The following ITGAE variants were observed in gnomAD, a reference collection of about 807,000 sequenced individuals.
ITGAE encodes the protein integrin subunit alpha E.
Under a neutral mutation model 136.5 loss-of-function variants are expected in ITGAE, and 99 were observed. The ratio of observed to expected loss-of-function variants is 0.73; its 90% CI spans 0.62 to 0.86. The LOEUF (loss-of-function observed/expected upper bound fraction) is 0.86, where lower values mean the gene tolerates loss of function less well. ITGAE is among the 40% of genes least tolerant of loss of function. The pLI, the probability that ITGAE is intolerant of heterozygous loss-of-function variation, is 0.00. For synonymous variants in ITGAE, 613 were observed against 591.8 expected (o/e 1.04, Z -0.52); for missense variants, 1,447 against 1,515.3 (o/e 0.95, Z 0.75).
chr17:3,742,041 C>T (rs2915549), intron 19 of ITGAE, among the ~76,000 whole-genome samples: 108,061 of 152,194 alleles, frequency 0.71, 39,979 homozygotes, highest in African/African-American at 0.93. Context: ...CACGCCATTG[C>T]ACTCCAGCCT....
At chr17:3,743,401 C>G in intron 19 of ITGAE, 88 bp downstream of exon 19, 1 of 1,439,518 alleles carries the variant, frequency 6.9e-7, no homozygotes, top group Non-Finnish European at 9.3e-7. Context: ...TGCCTCCCAA[C>G]TCCACCATTC....
At chr17:3,777,433 T>C in intron 2 of ITGAE, 107 bp downstream of exon 2, 1 of 1,393,346 alleles carries the variant, frequency 7.2e-7, no homozygotes, top group Non-Finnish European at 9.7e-7. Flanking sequence ...GGAGTTCCTC[T>C]CCTGACGGTG....
intron 2 of ITGAE, among the ~76,000 whole-genome samples, chr17:3,766,534 T>G (rs2052301431): frequency 6.6e-6 from 1 of 152,060 alleles, no homozygotes; most frequent in Admixed American, 6.6e-5. Flanking sequence ...GGGCTCAGTG[T>G]CTCACACCTG....
At chr17:3,792,313 G>A (rs1330845927) in intron 1 of ITGAE, among the ~76,000 whole-genome samples, 1 of 151,992 alleles carries the variant, frequency 6.6e-6, no homozygotes, top group Non-Finnish European at 1.5e-5. Flanking sequence ...GTAGAGGTGG[G>A]GTTTCACCAT....
chr17:3,719,198 C>T (rs1049605824), intron 29 of ITGAE, among the ~76,000 whole-genome samples: 2 of 133,064 alleles, frequency 1.5e-5, no homozygotes, highest in Non-Finnish European at 1.5e-5. Flanking sequence ...ATGGCACCAA[C>T]GGACTCCAGC....
chr17:3,749,628 G>A (rs911494071), intron 16 of ITGAE, among the ~76,000 whole-genome samples: 2 of 152,192 alleles, frequency 1.3e-5, no homozygotes, highest in African/African-American at 4.8e-5. Context: ...TAGACAGCAA[G>A]TCTGCAGCTT....
chr17:3,753,009 T>C (rs938572327), intron 14 of ITGAE, among the ~76,000 whole-genome samples: 1 of 152,230 alleles, frequency 6.6e-6, no homozygotes, highest in East Asian at 1.9e-4. Context: ...GATCCTGCCA[T>C]TGCATTGCAG....
At chr17:3,747,555 C>T (rs577810085) in intron 17 of ITGAE, among the ~76,000 whole-genome samples, 37 of 152,252 alleles carry the variant, frequency 2.4e-4, no homozygotes, top group African/African-American at 7.0e-4. Context: ...GTGATCTGCC[C>T]GCCTTGGCCT....
intron 12 of ITGAE, 29 bp downstream of exon 12, chr17:3,755,088 C>CCGCCCTCATCAGGTGGCCA: frequency 6.4e-7 from 1 of 1,569,966 alleles, no homozygotes; most frequent in South Asian, 1.2e-5. Flanking sequence ...TCAGGTGGCC[C>CCGCCCTCATCAGGTGGCCA]CGCCCTCATC....
At chr17:3,785,549 A>AGGAC (rs1328074131) in intron 1 of ITGAE, among the ~76,000 whole-genome samples, 2,289 of 149,510 alleles carry the variant, frequency 0.015, 35 homozygotes, top group African/African-American at 0.017. Flanking sequence ...GAAGGAAGGA[A>AGGAC]GGAAGGAAAA....
intron 1 of ITGAE, among the ~76,000 whole-genome samples, chr17:3,784,644 C>T (rs1340946709): frequency 6.6e-6 from 1 of 152,158 alleles, no homozygotes; most frequent in Non-Finnish European, 1.5e-5. Context: ...CCACCCACCT[C>T]AGCCTCCTAA....
chr17:3,734,429 G>T (rs1307920866), intron 21 of ITGAE, among the ~76,000 whole-genome samples: 1 of 152,212 alleles, frequency 6.6e-6, no homozygotes, highest in Non-Finnish European at 1.5e-5. Context: ...AGTGATACTT[G>T]TCAGCCACAG....
chr17:3,771,010 A>G (rs1204326666), intron 2 of ITGAE, among the ~76,000 whole-genome samples: 3 of 152,082 alleles, frequency 2.0e-5, no homozygotes, highest in Non-Finnish European at 4.4e-5. Context: ...AACCAATTGC[A>G]TAACTTCTGA....
intron 23 of ITGAE, chr17:3,730,401 G>C (rs1019919626): frequency 7.1e-6 from 1 of 140,008 alleles, no homozygotes; most frequent in South Asian, 2.7e-4. Flanking sequence ...GCAGTGAGCC[G>C]AGATCACGCC....
In ITGAE at chr17:3,723,742, G is replaced by T. The variant is rs763598742; in HGVS notation, c.3087C>A (p.Ala1029=). 4 of 1,607,164 alleles carry T rather than the reference G, an allele frequency of 2.5e-6. No individual in the cohort carries two copies. The African/African-American group carries it at 5.3e-5, about 21-fold the overall frequency. The change falls in exon 27 of 31, where the codon GCC becomes GCA. Residue 1029 remains alanine, a splice_region_variant and synonymous_variant. Transcript: ENST00000263087. ...VAVKKLTRTQ[A]STVCTWSQER... is the part of the protein sequence containing the mutation. ...CCTGACTCCAGGTGCACACCGTGGA[G>T]GCCTGAAACGAGAGCCATGACCGCG...
chr17:3,773,849 G>A lies in ITGAE; in HGVS notation c.155+3691C>T, dbSNP rs139750681. Among the ~76,000 whole-genome samples, 1,388 of 152,228 alleles carry A rather than the reference G, an allele frequency of 9.1e-3. 27 individuals are homozygous for A. Among genetic ancestry groups the A allele is most frequent in the African/African-American group, 0.031 (1,280 of 41,522 alleles). ...GCTATCTGGGGGCTGCCGGTCCCCCGTCAACTCATTAACAAAGAAAAAGAC... is the reference window on the plus strand; with the variant it reads ...GCTATCTGGGGGCTGCCGGTCCCCCATCAACTCATTAACAAAGAAAAAGAC... On this transcript the variant is annotated intron_variant, in intron 2 of 30. Transcript: ENST00000263087.
intron 1 of ITGAE, among the ~76,000 whole-genome samples, chr17:3,792,099 T>C (rs1485235472): frequency 1.3e-5 from 2 of 152,230 alleles, no homozygotes; most frequent in South Asian, 2.1e-4. Flanking sequence ...ACAAAGTAGA[T>C]ATCTATATTT....
chr17:3,778,363 GACCAGCCT>G (rs1296052169), intron 1 of ITGAE, among the ~76,000 whole-genome samples: 1 of 152,132 alleles, frequency 6.6e-6, no homozygotes, highest in Non-Finnish European at 1.5e-5. Context: ...AGGAGTTCGA[GACCAGCCT>G]GGCCAACATG....
At chr17:3,741,523 G>GT (rs147880703) in intron 19 of ITGAE, among the ~76,000 whole-genome samples, 1,575 of 152,212 alleles carry the variant, frequency 0.01, 23 homozygotes, top group African/African-American at 0.036. Context: ...ATACCACGTG[G>GT]TTTTTTCCTC....
Sources: gnomAD v4.1 joint callset for allele counts (sites outside exome capture counted in the v4.1 genomes callset) on GRCh38, gnomAD v4.1.1 for gene constraint, MANE v1.5 for transcripts, NCBI Gene and HGNC (gene_info 2026-07-23, HGNC 2026-07-21) for gene names.